Variants in GOLM2 observed in about 807,000 individuals in gnomAD.
GOLM2 encodes the protein protein GOLM2.
In GOLM2, 26 loss-of-function variants were observed where a neutral mutation model predicts 55.9. The ratio of observed to expected loss-of-function variants is 0.47; its 90% CI spans 0.34 to 0.65. The LOEUF (loss-of-function observed/expected upper bound fraction) is 0.65, where lower values mean the gene tolerates loss of function less well. Ranked by LOEUF, GOLM2 falls within the 30% of genes least tolerant of loss-of-function variation. The probability of loss-of-function intolerance (pLI) is 0.01; values close to 1 mark genes in which losing one functional copy is unlikely to be tolerated. For missense variants in GOLM2, 486 were observed against 531.8 expected, an observed-to-expected ratio of 0.91 and a Z score of 0.85; for synonymous variants, 165 against 194.6, an observed-to-expected ratio of 0.85 and a Z score of 1.27.
rs544189564 is a variant in GOLM2 at position 44,337,893 on chromosome 15, T to C, written c.707T>C (p.Ile236Thr). Residue 236 changes from isoleucine (I) to threonine (T), a missense_variant, in exon 5 of 10, where the codon ATT becomes ACT. Coordinates refer to ENST00000299957, the MANE Select transcript of GOLM2 (RefSeq NM_138423.4). Reference sequence around the variant, plus strand: ...AATGAAGAACCCTCAAGCAATCATATTCCACATGGGAAAGGTATTATTGTT... The same window carrying C: ...AATGAAGAACCCTCAAGCAATCATACTCCACATGGGAAAGGTATTATTGTT... Reference protein sequence around the residue: ...DKNEEPSSNHIPHGKEQIKRG... With the variant: ...DKNEEPSSNHTPHGKEQIKRG... The C allele has an allele frequency of 1.4e-4, 217 of 1,595,002 alleles. 2 individuals carry two copies. In the South Asian group the frequency reaches 2.4e-3, roughly 18 times the overall value.
intron 6 of GOLM2, among the ~76,000 whole-genome samples, chr15:44,344,287 G>GTATATATATATATATATATATA (rs143483392): frequency 5.1e-5 from 7 of 138,336 alleles, no homozygotes; most frequent in African/African-American, 1.6e-4. Flanking sequence ...ATATGTGTGT[G>GTATATATATATATATATATATA]TATATATATA....
At chr15:44,369,413 C>T (rs958750939) in intron 6 of GOLM2, among the ~76,000 whole-genome samples, 1 of 151,484 alleles carries the variant, frequency 6.6e-6, no homozygotes, top group African/African-American at 2.4e-5. Context: ...AGCACTCTGA[C>T]ATTTATATTA....
intron 1 of GOLM2, among the ~76,000 whole-genome samples, chr15:44,290,889 C>T (rs1053880605): frequency 2.6e-5 from 4 of 151,674 alleles, no homozygotes; most frequent in Non-Finnish European, 1.5e-5. Flanking sequence ...GCAACCTCCG[C>T]CCCCCCGGGG....
In GOLM2 at chr15:44,289,417, G is replaced by C; in HGVS notation, c.327+61G>C. On this transcript the variant is annotated intron_variant, in intron 1 of 9. Transcript: ENST00000299957. The surrounding 1 kb of genome is among the most constrained non-coding windows in gnomAD (Gnocchi z 4.8). ...TTCTTTTCTCCCCGGGGTCTGGGGCGGGATGTTAATCCGCTAGCTGTTGTC... is the reference window on the plus strand; with the variant it reads ...TTCTTTTCTCCCCGGGGTCTGGGGCCGGATGTTAATCCGCTAGCTGTTGTC... The C allele has an allele frequency of 6.9e-7, 1 of 1,459,556 alleles. No individual in the cohort carries two copies. The highest frequency in any genetic ancestry group is 9.3e-7 in the Non-Finnish European group (1 of 1,080,926). 90.4% of individuals were successfully genotyped at this position (1,459,556 alleles called of 1,614,324 possible).
intron 6 of GOLM2, among the ~76,000 whole-genome samples, chr15:44,378,054 TA>T (rs2079376274): frequency 1.3e-5 from 2 of 149,928 alleles, no homozygotes; most frequent in African/African-American, 4.9e-5. Flanking sequence ...TTTATTTATT[TA>T]TTTATTTTTT....
At chr15:44,324,004 G>C (rs753454932) in intron 2 of GOLM2, among the ~76,000 whole-genome samples, 1 of 152,116 alleles carries the variant, frequency 6.6e-6, no homozygotes, top group African/African-American at 2.4e-5. Flanking sequence ...GTCATCACAT[G>C]GGTTTTTGTT....
In GOLM2 at chr15:44,328,698, G is replaced by A. The variant is rs757306619; in HGVS notation, c.396G>A (p.Glu132=). 3.7e-6 allele frequency: 6 copies of A among 1,612,892 alleles called. No individual in the cohort carries two copies. In the Admixed American group the frequency reaches 8.4e-5, roughly 22 times the overall value. ...TTGGGTGGATAGAGCAACTTGCTGA[G>A]CTTCGTCAGGAATTTCTTCGACAAG... ...DIHHLKEQLA[E]LRQEFLRQED... is the part of the protein sequence containing the mutation. Residue 132 remains glutamate, a synonymous_variant, in exon 3 of 10, where the codon GAG becomes GAA. Coordinates refer to ENST00000299957, the MANE Select transcript of GOLM2 (RefSeq NM_138423.4).
chr15:44,295,503 G>T (rs1464134479), intron 1 of GOLM2, among the ~76,000 whole-genome samples: 1 of 152,110 alleles, frequency 6.6e-6, no homozygotes, highest in Non-Finnish European at 1.5e-5. Context: ...CCCTCTAAAG[G>T]GTTTCAGCCT....
chr15:44,350,467 G>A (rs1291820898), intron 6 of GOLM2, among the ~76,000 whole-genome samples: 1 of 152,120 alleles, frequency 6.6e-6, no homozygotes, highest in African/African-American at 2.4e-5. Flanking sequence ...GTAACAAGTT[G>A]AAGCTGTAAT....
intron 6 of GOLM2, among the ~76,000 whole-genome samples, chr15:44,361,893 G>T (rs561187723): frequency 6.6e-6 from 1 of 151,710 alleles, no homozygotes; most frequent in Non-Finnish European, 1.5e-5. Context: ...TTCAATATAC[G>T]CAAATCAATA....
intron 8 of GOLM2, among the ~76,000 whole-genome samples, chr15:44,383,038 ATTTAC>A (rs556111663): frequency 9.6e-4 from 145 of 150,900 alleles, no homozygotes; most frequent in African/African-American, 3.3e-3. Context: ...CAATTTTGTG[ATTTAC>A]TTTGACATTA....
intron 8 of GOLM2, among the ~76,000 whole-genome samples, chr15:44,397,478 CAAAAAA>C (rs1007948393): frequency 6.1e-5 from 2 of 32,564 alleles, no homozygotes; most frequent in Non-Finnish European, 1.1e-4. Flanking sequence ...GACTCCGTCT[CAAAAAA>C]AAAAAAAAAA....
chr15:44,291,657 G>C (rs1168780249), intron 1 of GOLM2, among the ~76,000 whole-genome samples: 1 of 152,068 alleles, frequency 6.6e-6, no homozygotes, highest in Non-Finnish European at 1.5e-5. Context: ...TTTCTTTCTT[G>C]CTTCTGTTAT....
At position 44,411,013 on chromosome 15, in the gene GOLM2, C is replaced by CTT. The variant is rs201998296; in HGVS notation, c.1241-2298_1241-2297dup. Among the ~76,000 whole-genome samples the CTT allele has an allele frequency of 3.0e-3, 243 of 81,328 alleles. 11 individuals are homozygous for CTT. Among genetic ancestry groups the CTT allele is most frequent in the African/African-American group, 7.5e-3 (170 of 22,662 alleles). 53.4% of individuals were successfully genotyped at this position (81,328 alleles called of 152,430 possible). On this transcript the variant is annotated intron_variant, in intron 9 of 9. Transcript: ENST00000299957. ...TGAAAAAGAAAGTTGGTTTGTTTGA[C>CTT]TTTTTTTTTTTTTTTTTTTTTTTTT... is the stretch of plus-strand genomic sequence containing the variant.
At chr15:44,379,234 T>C (rs1472055489) in intron 6 of GOLM2, among the ~76,000 whole-genome samples, 2 of 152,100 alleles carry the variant, frequency 1.3e-5, no homozygotes, top group African/African-American at 4.8e-5. Context: ...CCCAGCACTT[T>C]GGGAGGCTGA....
chr15:44,340,041 C>T (rs778385732), intron 6 of GOLM2, among the ~76,000 whole-genome samples: 1 of 152,038 alleles, frequency 6.6e-6, no homozygotes, highest in African/African-American at 2.4e-5. Flanking sequence ...AAGCTGGTCT[C>T]GAACTCCTAG....
In GOLM2 at chr15:44,376,158, G is replaced by A. The variant is rs62024130; in HGVS notation, c.803-3532G>A. On this transcript the variant is annotated intron_variant, in intron 6 of 9. Coordinates refer to ENST00000299957, the MANE Select transcript of GOLM2 (RefSeq NM_138423.4). ...CTGAGGCAGGAGAATCGCTTGAACC[G>A]GGGAGGCGGAGGTTGTGGTGAGCCG... Among the ~76,000 whole-genome samples the A allele has an allele frequency of 6.3e-3, 964 of 152,212 alleles. 10 individuals are homozygous for A. The highest frequency in any genetic ancestry group is 0.021 in the African/African-American group (885 of 41,538).
intron 6 of GOLM2, among the ~76,000 whole-genome samples, chr15:44,370,052 TTAAGC>T (rs1377699807): frequency 6.6e-6 from 1 of 152,154 alleles, no homozygotes; most frequent in Non-Finnish European, 1.5e-5. Context: ...ATGTAGGCTG[TTAAGC>T]TAGGCCAGTC....
intron 1 of GOLM2, among the ~76,000 whole-genome samples, chr15:44,304,540 C>A (rs943540594): frequency 6.6e-6 from 1 of 152,094 alleles, no homozygotes; most frequent in Non-Finnish European, 1.5e-5. Flanking sequence ...TCGCTCCCAG[C>A]CCTCCAGGCT....
Sources: gnomAD v4.1 joint callset for allele counts (sites outside exome capture counted in the v4.1 genomes callset) on GRCh38, gnomAD v4.1.1 for gene constraint, Gnocchi (gnomAD v3.1) non-coding constraint, MANE v1.5 for transcripts, NCBI Gene and HGNC (gene_info 2026-07-23, HGNC 2026-07-21) for gene names.